LGI3: variants seen among roughly 807,000 people sequenced by gnomAD.
LGI3 encodes leucine-rich repeat LGI family member 3.
In LGI3, 47 loss-of-function variants were observed where a neutral mutation model predicts 55.4. The ratio of observed to expected loss-of-function variants is 0.85; its 90% CI spans 0.67 to 1.08. The LOEUF (loss-of-function observed/expected upper bound fraction) is 1.08, where lower values mean the gene tolerates loss of function less well. LGI3 is among the 50% of genes least tolerant of loss of function. The pLI is 0.00. For missense variants in LGI3, 664 were observed against 726.3 expected (o/e 0.91, Z 0.99); for synonymous variants, 326 against 315.0 (o/e 1.04, Z -0.37).
At chr8:22,155,111 G>A (rs1308919614) in intron 2 of LGI3, 14 of 500,656 alleles carry the variant, frequency 2.8e-5, no homozygotes, top group South Asian at 6.9e-5. Flanking sequence ...CCAGGCTATC[G>A]CACCCAATTC....
At chr8:22,156,212 A>T (rs911385405) in intron 1 of LGI3, 125 bp downstream of exon 1, 6 of 1,010,128 alleles carry the variant, frequency 5.9e-6, no homozygotes, top group Non-Finnish European at 7.4e-6. Flanking sequence ...AGCCCTGAGG[A>T]CCCCTGCAGT....
rs368425676 is a variant in LGI3 at position 22,148,989 on chromosome 8, C to G, written c.830-12G>C. On this transcript the variant is annotated splice_polypyrimidine_tract_variant and intron_variant, in intron 7 of 7. Transcript: ENST00000306317. This position sits in a 1 kb window ranked among gnomAD's most constrained non-coding sequence, Gnocchi z 7.0. ...CACTGCAGAGGGGGCTGTGCCAGGA[C>G]AGAGGCAGACAGCATCAGGCAGGCC... The G allele has an allele frequency of 1.2e-4, 191 of 1,587,516 alleles. No homozygotes were observed. The highest frequency in any genetic ancestry group is 1.8e-4 in the Middle Eastern group (1 of 5,426).
chr8:22,154,520 T>C, intron 3 of LGI3, 40 bp downstream of exon 3: 2 of 1,581,428 alleles, frequency 1.3e-6, no homozygotes, highest in African/African-American at 1.3e-5. Flanking sequence ...GGGGTCCCCC[T>C]CCCTTCTGCT....
chr8:22,153,472 G>A (rs199967721), intron 5 of LGI3, among the ~76,000 whole-genome samples: 2 of 151,614 alleles, frequency 1.3e-5, no homozygotes, highest in Non-Finnish European at 2.9e-5. Flanking sequence ...GGAGGCTGAA[G>A]TTGGCAGATC....
chr8:22,154,856 G>T, intron 2 of LGI3: 1 of 559,786 alleles, frequency 1.8e-6, no homozygotes, highest in Non-Finnish European at 3.2e-6. Context: ...CATGGGCCAA[G>T]GCAGAGCTCT....
intron 7 of LGI3, 112 bp downstream of exon 7, chr8:22,151,377 G>A: frequency 9.9e-7 from 1 of 1,013,306 alleles, no homozygotes; most frequent in Non-Finnish European, 1.5e-6. Context: ...TGTGGGCAGA[G>A]GGTATGTCTC....
rs1238407340 is a variant in LGI3 at position 22,153,999 on chromosome 8, T to C, written c.463A>G (p.Ile155Val). The stretch of plus-strand genomic sequence containing the variant: ...TTCAGGATGTCCAGGGGCCGGAAGA[T>C]GTCTCTGGGCAGTGTCTGCAGGTTA... ...NNNLQTLPRDIFRPLDILNDL... is the reference protein window; with the variant it reads ...NNNLQTLPRDVFRPLDILNDL... Residue 155 changes from isoleucine (I) to valine (V), a missense_variant, in exon 5 of 8, where the codon ATC becomes GTC. Physicochemically the swap from Ile to Val is conservative, Grantham distance 29. Coordinates refer to ENST00000306317, the MANE Select transcript of LGI3 (RefSeq NM_139278.4). 6.2e-7 allele frequency: 1 copy of C among 1,614,194 alleles called. No individual in the cohort carries two copies. The highest frequency in any genetic ancestry group is 1.1e-5 in the South Asian group (1 of 91,086).
At chr8:22,155,624 A>C in intron 1 of LGI3, 161 bp from the exon 2 acceptor site, 1 of 641,060 alleles carries the variant, frequency 1.6e-6, no homozygotes, top group Non-Finnish European at 2.8e-6. Context: ...TTCTCCTCCC[A>C]AATTCACTGC....
chr8:22,153,307 A>C (rs905128832), intron 5 of LGI3, among the ~76,000 whole-genome samples: 5 of 150,142 alleles, frequency 3.3e-5, no homozygotes, highest in African/African-American at 1.2e-4. Context: ...CTGGTCTGGA[A>C]CTCCTGACCT....
intron 1 of LGI3, 48 bp downstream of exon 1, chr8:22,156,289 C>A (rs570240214): frequency 6.3e-7 from 1 of 1,593,342 alleles, no homozygotes; most frequent in East Asian, 2.3e-5. Context: ...GAGCTGTCCT[C>A]GGCCTCCTCT....
At chr8:22,154,783 A>G in intron 2 of LGI3, 152 bp from the exon 3 acceptor site, 1 of 635,742 alleles carries the variant, frequency 1.6e-6, no homozygotes, top group South Asian at 1.8e-5. Flanking sequence ...CACCTGGGCA[A>G]CAAGGCCAGG....
At chr8:22,150,273 A>G (rs1192880083) in intron 7 of LGI3, among the ~76,000 whole-genome samples, 1 of 150,826 alleles carries the variant, frequency 6.6e-6, no homozygotes, top group Non-Finnish European at 1.5e-5. Context: ...TTTTTTCTTT[A>G]ATACTGACTT....
rs11550100 is a variant in LGI3, at chr8:22,146,940, T to C, written c.*1220A>G. On this transcript the variant is annotated 3_prime_UTR_variant, in exon 8 of 8. Coordinates refer to ENST00000306317, the MANE Select transcript of LGI3 (RefSeq NM_139278.4). ...CACCATTTGGGCACATGGTGTGCCC[T>C]CTCCACTAGCCTGGCATCTCAGCAG... 30,475 of 152,208 alleles carry C rather than the reference T, an allele frequency of 0.2. 3,453 individuals carry two copies. The highest frequency in any genetic ancestry group is 0.32 in the African/African-American group (13,126 of 41,502). The allele number at this position is 152,208 out of a possible 1,614,324, so 9.4% of individuals were successfully genotyped here.
intron 6 of LGI3, 31 bp downstream of exon 6, chr8:22,151,800 G>C (rs1827382372): frequency 6.3e-7 from 1 of 1,588,484 alleles, no homozygotes; most frequent in East Asian, 2.2e-5. Flanking sequence ...GGTAGGCGTG[G>C]ACTGACACCC....
intron 7 of LGI3, among the ~76,000 whole-genome samples, chr8:22,149,346 TC>T (rs1230698117): frequency 6.6e-6 from 1 of 152,170 alleles, no homozygotes; most frequent in African/African-American, 2.4e-5. Flanking sequence ...GAGGAATTCA[TC>T]ACGCTGGAAA....
chr8:22,148,551 T>C lies in LGI3; in HGVS notation c.1256A>G (p.Gln419Arg), dbSNP rs769409776. Residue 419 changes from glutamine (Q) to arginine (R), a missense_variant, in exon 8 of 8, where the codon CAG (glutamine) becomes CGG (arginine). By Grantham distance (43) the Gln-to-Arg change is conservative (BLOSUM62 1). Transcript: ENST00000306317. The surrounding 1 kb of genome is among the most constrained non-coding windows in gnomAD (Gnocchi z 7.0). ...TTTCACAGCTTGGGCATCAGGCACC[T>C]GGGTCACCTCACCCTGGGCCACAAA... ...KQFVAQGEVT[Q>R]VPDAQAVKHF... is the part of the protein sequence containing the mutation. 15 of 1,613,846 alleles carry C rather than the reference T, an allele frequency of 9.3e-6. No homozygotes were observed. Among genetic ancestry groups the C allele is most frequent in the Middle Eastern group, 1.6e-4 (1 of 6,062 alleles).
chr8:22,155,536 G>C (rs1399480630), intron 1 of LGI3, 73 bp from the exon 2 acceptor site: 1 of 1,255,648 alleles, frequency 8.0e-7, no homozygotes, highest in African/African-American at 1.5e-5. Context: ...TGAACACGGA[G>C]GGCAGTAGCT....
At chr8:22,151,759 G>T (rs1188156985) in intron 6 of LGI3, 72 bp downstream of exon 6, 10 of 1,560,874 alleles carry the variant, frequency 6.4e-6, no homozygotes, top group South Asian at 1.2e-5. Flanking sequence ...GGGGCAGGGT[G>T]GGGGGTTTCG....
rs1827507612 is a variant in LGI3 at position 22,156,523 on chromosome 8, CT to C, written c.19del (p.Arg7GlyfsTer63). 15 of 1,355,832 alleles carry C rather than the reference CT, an allele frequency of 1.1e-5. No individual in the cohort carries two copies. Among genetic ancestry groups the C allele is most frequent in the Non-Finnish European group, 1.4e-5 (15 of 1,051,570 alleles). 84.0% of individuals were successfully genotyped at this position (1,355,832 alleles called of 1,614,324 possible). On this transcript the variant is annotated frameshift_variant, in exon 1 of 8. Transcript: ENST00000306317. LOFTEE classifies it high-confidence loss of function. MAGLRA[R>X]GGPGPGLLAL... Reference sequence around the variant, plus strand: ...CAGCAGCCCCGGCCCCGGGCCCCCCCTGGCCCGCAGCCCCGCCATGCTGCCC... The same window carrying C: ...CAGCAGCCCCGGCCCCGGGCCCCCCCGGCCCGCAGCCCCGCCATGCTGCCC...
Sources: gnomAD v4.1 joint callset for allele counts (sites outside exome capture counted in the v4.1 genomes callset) on GRCh38, gnomAD v4.1.1 for gene constraint, Gnocchi (gnomAD v3.1) non-coding constraint, MANE v1.5 for transcripts, NCBI Gene and HGNC (gene_info 2026-07-23, HGNC 2026-07-21) for gene names.